The following PALB2 variants were observed in gnomAD, a reference collection of about 807,000 sequenced individuals.
The protein encoded by PALB2 is partner and localizer of BRCA2.
In PALB2, 82 loss-of-function variants were observed where a neutral mutation model predicts 107.4. That is an observed-to-expected ratio of 0.76 (90% confidence interval 0.64 to 0.92). The LOEUF (loss-of-function observed/expected upper bound fraction) is 0.92, where lower values mean the gene tolerates loss of function less well. PALB2 is among the 40% of genes least tolerant of loss of function. The pLI is 0.00. For synonymous variants in PALB2, 489 were observed against 496.8 expected, an observed-to-expected ratio of 0.98 and a Z score of 0.21; for missense variants, 1,374 against 1,379.9, an observed-to-expected ratio of 1.00 and a Z score of 0.07.
At chr16:23,617,803 T>C (rs1017364300) in intron 10 of PALB2, 21 of 152,042 alleles carry the variant, frequency 1.4e-4, no homozygotes, top group African/African-American at 4.6e-4. Context: ...GAAACATCAA[T>C]GAAGGCTGGA....
rs1966391321 is a variant in PALB2 at position 23,603,305 on chromosome 16, T to C, written c.*154A>G. 1 of 656,386 alleles carries C rather than the reference T, an allele frequency of 1.5e-6. No homozygotes were observed. The highest frequency in any genetic ancestry group is 1.8e-5 in the African/African-American group (1 of 55,164). The allele number at this position is 656,386 out of a possible 1,614,324, so 40.7% of individuals were successfully genotyped here. On this transcript the variant is annotated 3_prime_UTR_variant, in exon 13 of 13. Transcript: ENST00000261584. ...ATAAATGTACATCCAAGATCAGTGG[T>C]GCTACCATCATTAGAATAAAAAATA...
chr16:23,603,783 T>C, intron 12 of PALB2, 114 bp from the exon 13 acceptor site: 1 of 879,506 alleles, frequency 1.1e-6, no homozygotes, highest in South Asian at 1.5e-5. Flanking sequence ...AAAATCCCTG[T>C]AACTATGAAT....
intron 9 of PALB2, 127 bp downstream of exon 9, chr16:23,622,842 T>C: frequency 9.7e-7 from 1 of 1,029,796 alleles, no homozygotes; most frequent in Non-Finnish European, 1.5e-6. Flanking sequence ...CTAGTGTTGA[T>C]GCGGTACATG....
chr16:23,603,307 C>A lies in PALB2; in HGVS notation c.*152G>T. 1 of 660,264 alleles carries A rather than the reference C, an allele frequency of 1.5e-6. No homozygotes were observed. The highest frequency in any genetic ancestry group is 1.8e-5 in the South Asian group (1 of 55,416). 40.9% of individuals were successfully genotyped at this position (660,264 alleles called of 1,614,324 possible). On this transcript the variant is annotated 3_prime_UTR_variant, in exon 13 of 13. Transcript: ENST00000261584. ...AAATGTACATCCAAGATCAGTGGTG[C>A]TACCATCATTAGAATAAAAAATAAG...
In PALB2 at chr16:23,635,176, T is replaced by C. The variant is rs774298150; in HGVS notation, c.1370A>G (p.Glu457Gly). Residue 457 changes from glutamate (E) to glycine (G), a missense_variant, in exon 4 of 13, where the codon GAA becomes GGA. Glu to Gly is a moderately conservative substitution (Grantham distance 98, BLOSUM62 -2). Transcript: ENST00000261584. ...ASKNLNLSNE[E>G]TDQSEIRMSG... The stretch of plus-strand genomic sequence containing the variant: ...CATCCTAATTTCACTTTGGTCAGTT[T>C]CCTCATTGGAAAGGTTTAAATTTTT... 1.2e-6 allele frequency: 2 copies of C among 1,614,212 alleles called. No homozygotes were observed. The highest frequency in any genetic ancestry group is 1.7e-6 in the Non-Finnish European group (2 of 1,180,036).
Position 23,635,245 on chromosome 16 carries a change from T to A in PALB2, c.1301A>T (p.Asp434Val), listed in dbSNP as rs757972600. Residue 434 changes from aspartate (D) to valine (V), a missense_variant, in exon 4 of 13, where the codon GAT becomes GTT. Asp to Val is a radical substitution (Grantham distance 152, BLOSUM62 -3). Transcript: ENST00000261584. ...ATTTTTAAACCCTTTTTTCTTGACA[T>A]CCAAATGACTCTGAATGACAGCCTC... ...AVEAVIQSHL[D>V]VKKKGFKNKN... 6.2e-7 allele frequency: 1 copy of A among 1,614,184 alleles called. No individual in the cohort carries two copies. Among genetic ancestry groups the A allele is most frequent in the Admixed American group, 1.7e-5 (1 of 60,020 alleles).
chr16:23,608,876 G>A (rs1597068057), intron 11 of PALB2, among the ~76,000 whole-genome samples: 1 of 150,262 alleles, frequency 6.7e-6, no homozygotes, highest in Admixed American at 6.7e-5. Context: ...TGCCCAGGCT[G>A]GAGTGCAATG....
At chr16:23,620,561 T>C (rs1375976861) in intron 10 of PALB2, among the ~76,000 whole-genome samples, 1 of 152,212 alleles carries the variant, frequency 6.6e-6, no homozygotes, top group Non-Finnish European at 1.5e-5. Context: ...CTTTAGAAAG[T>C]TGTTTTTTGT....
At chr16:23,620,713 C>T (rs1966756922) in intron 10 of PALB2, among the ~76,000 whole-genome samples, 1 of 152,154 alleles carries the variant, frequency 6.6e-6, no homozygotes. Context: ...TCAGACTGAT[C>T]TTTTTTGGTT....
chr16:23,641,175 G>GA lies in PALB2; in HGVS notation c.-19dup, dbSNP rs1040725416. 6.2e-7 allele frequency: 1 copy of GA among 1,611,522 alleles called. No homozygotes were observed. The highest frequency in any genetic ancestry group is 1.3e-5 in the African/African-American group (1 of 74,882). On this transcript the variant is annotated 5_prime_UTR_variant, in exon 1 of 13. Transcript: ENST00000261584. ...TCGTCCATCGGGCAGGCGACAGAAC[G>GA]AAAAGAGCAGCCGTCGCCGACCCCA... is the stretch of plus-strand genomic sequence containing the variant.
rs1967019844 is a variant in PALB2, at chr16:23,635,742, T to C, written c.804A>G (p.Lys268=). The change falls in exon 4 of 13, where the codon AAA becomes AAG. Residue 268 remains lysine, a synonymous_variant. Coordinates refer to ENST00000261584, the MANE Select transcript of PALB2 (RefSeq NM_024675.4). ...CGTGAGTAGTAAGTTCACTGCTACCTTTAGGAGGAATGTGTTCAAGGTGCT... is the reference window on the plus strand; with the variant it reads ...CGTGAGTAGTAAGTTCACTGCTACCCTTAGGAGGAATGTGTTCAAGGTGCT... ...SSQHLEHIPP[K]GSSELTTHDL... is the part of the protein sequence containing the mutation. The C allele has an allele frequency of 6.2e-7, 1 of 1,614,186 alleles. No homozygotes were observed. The highest frequency in any genetic ancestry group is 8.5e-7 in the Non-Finnish European group (1 of 1,180,028).
At position 23,635,055 on chromosome 16, in the gene PALB2, A is replaced by G. The variant is rs374707677; in HGVS notation, c.1491T>C (p.Asn497=). Residue 497 remains asparagine (N), a synonymous_variant, in exon 4 of 13, where the codon AAT becomes AAC. Transcript: ENST00000261584. The stretch of plus-strand genomic sequence containing the variant: ...GGGCAACTGCCTTCCTAGACAAGTC[A>G]TTATCTTCAGTGGGCCCAGCGGGAG... ...VSSPAGPTED[N]DLSRKAVAQA... is the part of the protein sequence containing the mutation. 6.2e-7 allele frequency: 1 copy of G among 1,614,116 alleles called. No individual in the cohort carries two copies. The highest frequency in any genetic ancestry group is 8.5e-7 in the Non-Finnish European group (1 of 1,180,028).
intron 10 of PALB2, chr16:23,617,484 C>T (rs1249443667): frequency 6.6e-6 from 1 of 151,610 alleles, no homozygotes; most frequent in Non-Finnish European, 1.5e-5. Flanking sequence ...CTTTGGGAGG[C>T]TGAGGCGGGA....
chr16:23,625,335 A>G (rs75456484), intron 7 of PALB2, among the ~76,000 whole-genome samples: 2,780 of 151,110 alleles, frequency 0.018, 88 homozygotes, highest in African/African-American at 0.064. Flanking sequence ...TCTCTCTCCA[A>G]AAACAAACAA....
At chr16:23,640,728 C>T (rs572657027) in intron 1 of PALB2, 32 of 271,030 alleles carry the variant, frequency 1.2e-4, no homozygotes, top group African/African-American at 6.9e-4. Flanking sequence ...GGGATACGCC[C>T]CTCCTCCACC....
rs1967041594 is a variant in PALB2, at chr16:23,636,032, A to G, written c.514T>C (p.Ser172Pro). 1 of 1,614,136 alleles carries G rather than the reference A, an allele frequency of 6.2e-7. No homozygotes were observed. The highest frequency in any genetic ancestry group is 8.5e-7 in the Non-Finnish European group (1 of 1,180,030). Residue 172 changes from serine to proline, a missense_variant, in exon 4 of 13, where the codon TCT becomes CCT. Coordinates refer to ENST00000261584, the MANE Select transcript of PALB2 (RefSeq NM_024675.4). ...CVFGTDSLRL[S>P]GKRLKEQEEI... is the part of the protein sequence containing the mutation. The stretch of plus-strand genomic sequence containing the variant: ...TCCTGTTCCTTTAGTCTTTTCCCAG[A>G]CAATCTGAGTGAATCAGTGCCAAAG...
At chr16:23,629,528 T>C in intron 5 of PALB2, 112 bp downstream of exon 5, 1 of 1,094,292 alleles carries the variant, frequency 9.1e-7, no homozygotes, top group South Asian at 1.3e-5. Context: ...AAGAAACACG[T>C]CAAACCATTC....
At chr16:23,607,469 T>TA in intron 12 of PALB2, 2 of 265,078 alleles carry the variant, frequency 7.5e-6, no homozygotes, top group African/African-American at 2.2e-5. Context: ...ATATATATAT[T>TA]TTTTTTGGTA....
Position 23,641,239 on chromosome 16 carries a change from G to C in PALB2, c.-82C>G, listed in dbSNP as rs1967242129. Reference sequence around the variant, plus strand: ...CGGGACCCAGTTGGCCCTGGGCCGGGGAGGCGCCCCAGGAAGGAATGGGGA... The same window carrying C: ...CGGGACCCAGTTGGCCCTGGGCCGGCGAGGCGCCCCAGGAAGGAATGGGGA... On this transcript the variant is annotated 5_prime_UTR_variant, in exon 1 of 13. Transcript: ENST00000261584. The C allele has an allele frequency of 6.5e-7, 1 of 1,546,076 alleles. No homozygotes were observed. The highest frequency in any genetic ancestry group is 1.9e-5 in the Admixed American group (1 of 53,336).
Sources: allele counts gnomAD v4.1 joint callset (sites outside exome capture counted in the v4.1 genomes callset), GRCh38; gene constraint gnomAD v4.1.1; transcripts MANE v1.5; gene names NCBI Gene and HGNC (gene_info 2026-07-23, HGNC 2026-07-21).